The following BCAS1 variants were observed in gnomAD, a reference collection of about 807,000 sequenced individuals.
BCAS1 encodes the protein breast carcinoma-amplified sequence 1.
Under a neutral mutation model 65.4 loss-of-function variants are expected in BCAS1, and 46 were observed. That is an observed-to-expected ratio of 0.70 (90% confidence interval 0.55 to 0.90). The LOEUF is 0.90. Among genes scored for constraint, BCAS1 ranks in the 40% least tolerant of loss-of-function variants. BCAS1 has a pLI of 0.00. For missense variants in BCAS1, 793 were observed against 771.2 expected (o/e 1.03, Z -0.33); for synonymous variants, 298 against 293.5 (o/e 1.02, Z -0.16).
At chr20:54,047,477 T>C (rs1325569695) in intron 3 of BCAS1, among the ~76,000 whole-genome samples, 1 of 152,216 alleles carries the variant, frequency 6.6e-6, no homozygotes, top group African/African-American at 2.4e-5. Context: ...TCCACTAGAC[T>C]TTTTGGTGAG....
At chr20:54,067,337 C>A (rs986625383) in intron 1 of BCAS1, among the ~76,000 whole-genome samples, 1 of 151,660 alleles carries the variant, frequency 6.6e-6, no homozygotes, top group African/African-American at 2.4e-5. Context: ...GATCACACCG[C>A]TGCACTCCAG....
chr20:53,969,877 C>G (rs946298514), intron 9 of BCAS1, among the ~76,000 whole-genome samples: 4 of 152,142 alleles, frequency 2.6e-5, no homozygotes, highest in Non-Finnish European at 5.9e-5. Context: ...TTTCATGGGT[C>G]AGAGCTAGGC....
At chr20:54,058,297 T>C (rs1032267136) in intron 2 of BCAS1, 143 bp from the exon 3 acceptor site, 11 of 793,702 alleles carry the variant, frequency 1.4e-5, no homozygotes, top group Non-Finnish European at 2.3e-5. Context: ...TCCCCAGTTT[T>C]CTATCATGCC....
rs189232982 is a variant in BCAS1, at chr20:54,063,964, T to C, written c.-5-5241A>G. 6.5e-4 allele frequency among the ~76,000 whole-genome samples: 98 copies of C among 150,194 alleles called. 1 individual carries two copies. Among genetic ancestry groups the C allele is most frequent in the East Asian group, 4.5e-3 (22 of 4,878 alleles). Reference sequence around the variant, plus strand: ...AGTGTTTTGTCTTTATGACCTTATTTTACATTAAACATACGAAGCTATGGT... The same window carrying C: ...AGTGTTTTGTCTTTATGACCTTATTCTACATTAAACATACGAAGCTATGGT... On this transcript the variant is annotated intron_variant, in intron 1 of 12. Coordinates refer to ENST00000688948, the MANE Select transcript of BCAS1 (RefSeq NM_001366298.2).
chr20:54,029,172 G>A, intron 3 of BCAS1, 200 bp from the exon 4 acceptor site: 2 of 985,376 alleles, frequency 2.0e-6, no homozygotes, highest in Non-Finnish European at 2.4e-6. Context: ...AGGCAAGGTT[G>A]GTGAGGAGGG....
At chr20:53,953,156 T>C (rs1013092231) in intron 12 of BCAS1, among the ~76,000 whole-genome samples, 8 of 152,202 alleles carry the variant, frequency 5.3e-5, no homozygotes, top group Admixed American at 1.3e-4. Context: ...AGATGCAGTA[T>C]CTCACCTGTT....
At chr20:54,035,491 T>A (rs2091885662) in intron 3 of BCAS1, among the ~76,000 whole-genome samples, 1 of 141,112 alleles carries the variant, frequency 7.1e-6, no homozygotes, top group African/African-American at 2.6e-5. Context: ...GAAATGCAAA[T>A]CAAAAACCAC....
chr20:53,998,745 T>C (rs1441363661), intron 4 of BCAS1, among the ~76,000 whole-genome samples: 2 of 152,224 alleles, frequency 1.3e-5, no homozygotes, highest in Non-Finnish European at 2.9e-5. Flanking sequence ...CCTAAGCTAG[T>C]ATAATTTGAA....
At chr20:54,009,847 G>A (rs2091282929) in intron 4 of BCAS1, among the ~76,000 whole-genome samples, 1 of 152,134 alleles carries the variant, frequency 6.6e-6, no homozygotes. Flanking sequence ...TTAGCAGGTA[G>A]ATTTCAGCAA....
Position 53,985,325 on chromosome 20 carries a change from G to C in BCAS1, c.1237C>G (p.Pro413Ala), listed in dbSNP as rs61754120. The C allele has an allele frequency of 1.1e-5, 17 of 1,613,760 alleles. No homozygotes were observed. Among genetic ancestry groups the C allele is most frequent in the Non-Finnish European group, 1.3e-5 (15 of 1,179,960 alleles). The part of the protein sequence containing the change: ...AKEGTKEKSG[P>A]TSLPLGKLFW... ...AGTTTGCCCAGAGGCAGAGAGGTGG[G>C]TCCTGATTTCTCCTTGGTGCCTTCC... Residue 413 changes from proline to alanine, a missense_variant, in exon 8 of 13, where the codon CCC becomes GCC. By Grantham distance (27) the Pro-to-Ala change is conservative. Coordinates refer to ENST00000688948, the MANE Select transcript of BCAS1 (RefSeq NM_001366298.2).
chr20:54,062,598 A>G (rs12624748), intron 1 of BCAS1, among the ~76,000 whole-genome samples: 21,129 of 152,234 alleles, frequency 0.14, 1,933 homozygotes, highest in East Asian at 0.32. Context: ...AATCCTAACA[A>G]AGCTACTTTG....
chr20:53,953,367 A>C, intron 12 of BCAS1, 65 bp downstream of exon 12: 1 of 1,584,068 alleles, frequency 6.3e-7, no homozygotes, highest in East Asian at 2.2e-5. Flanking sequence ...TGAAAAACTG[A>C]CTGGGGCAGA....
intron 9 of BCAS1, among the ~76,000 whole-genome samples, chr20:53,972,106 C>T (rs949265439): frequency 1.3e-5 from 2 of 152,058 alleles, no homozygotes; most frequent in Non-Finnish European, 1.5e-5. Flanking sequence ...TAGATTAGTT[C>T]TGGAAAGTTG....
intron 7 of BCAS1, among the ~76,000 whole-genome samples, chr20:53,990,887 G>A (rs2090739996): frequency 6.6e-6 from 1 of 152,204 alleles, no homozygotes; most frequent in African/African-American, 2.4e-5. Flanking sequence ...CTGTGTTACA[G>A]AATTCCAGAA....
At chr20:53,995,770 C>T (rs2145848068) in intron 5 of BCAS1, 122 bp downstream of exon 5, 1 of 1,153,972 alleles carries the variant, frequency 8.7e-7, no homozygotes, top group East Asian at 2.5e-5. Flanking sequence ...TGTTCTCTCC[C>T]ATGCTCCAAC....
At chr20:54,049,518 G>T (rs189088539) in intron 3 of BCAS1, among the ~76,000 whole-genome samples, 1 of 151,942 alleles carries the variant, frequency 6.6e-6, no homozygotes, top group Non-Finnish European at 1.5e-5. Flanking sequence ...ATCTGGTCAG[G>T]TGATATGTCA....
At position 53,955,341 on chromosome 20, in the gene BCAS1, C is replaced by T. The variant is rs2089667675; in HGVS notation, c.1552-1646G>A. Among the ~76,000 whole-genome samples the T allele has an allele frequency of 9.9e-5, 15 of 152,228 alleles. 1 individual carries two copies. Among genetic ancestry groups the T allele is most frequent in the Admixed American group, 9.8e-4 (15 of 15,280 alleles). On this transcript the variant is annotated intron_variant, in intron 11 of 12. Coordinates refer to ENST00000688948, the MANE Select transcript of BCAS1 (RefSeq NM_001366298.2). The stretch of plus-strand genomic sequence containing the variant: ...CTTGAACACTTCTGGCAGACCCCAA[C>T]TGTCAGAGTTGCAGCAAATGCTAAG...
intron 3 of BCAS1, 48 bp downstream of exon 3, chr20:54,058,037 C>CT: frequency 7.2e-7 from 1 of 1,389,002 alleles, no homozygotes; most frequent in Non-Finnish European, 1.0e-6. Context: ...ATCTGCAGAC[C>CT]CCCCTTCCCC....
At chr20:53,950,148 G>A (rs1427795663) in intron 12 of BCAS1, among the ~76,000 whole-genome samples, 1 of 50,884 alleles carries the variant, frequency 2.0e-5, no homozygotes, top group Non-Finnish European at 4.1e-5. Context: ...TGCACAGCCC[G>A]TACAGCCTGC....
Sources: gnomAD v4.1 joint callset for allele counts (sites outside exome capture counted in the v4.1 genomes callset) on GRCh38, gnomAD v4.1.1 for gene constraint, MANE v1.5 for transcripts, NCBI Gene and HGNC (gene_info 2026-07-23, HGNC 2026-07-21) for gene names.